SPAG1: variants seen among roughly 807,000 people sequenced by gnomAD.
SPAG1 encodes the protein sperm associated antigen 1, also known as sperm-associated antigen 1.
In SPAG1, 69 loss-of-function variants were observed where a neutral mutation model predicts 100.5. The observed-to-expected ratio is 0.69, with a 90% CI of 0.57 to 0.84. The LOEUF is 0.84. Among genes scored for constraint, SPAG1 ranks in the 40% least tolerant of loss-of-function variants. The pLI, the probability that SPAG1 is intolerant of heterozygous loss-of-function variation, is 0.00. For synonymous variants in SPAG1, 336 were observed against 411.6 expected (o/e 0.82, Z 2.22); for missense variants, 955 against 1,133.1 (o/e 0.84, Z 2.26).
chr8:100,185,606 T>A (rs1435833820), intron 7 of SPAG1, among the ~76,000 whole-genome samples: 1 of 152,238 alleles, frequency 6.6e-6, no homozygotes, highest in Non-Finnish European at 1.5e-5. Flanking sequence ...TAAATATGTA[T>A]ATGAACTTCT....
chr8:100,172,971 T>A (rs542527961), intron 3 of SPAG1, among the ~76,000 whole-genome samples: 1 of 151,696 alleles, frequency 6.6e-6, no homozygotes, highest in East Asian at 1.9e-4. Flanking sequence ...GCAGACAGCT[T>A]GATTTTAGTT....
At chr8:100,206,730 C>T (rs2132330084) in intron 10 of SPAG1, among the ~76,000 whole-genome samples, 1 of 152,292 alleles carries the variant, frequency 6.6e-6, no homozygotes, top group South Asian at 2.1e-4. Flanking sequence ...AAGAAAGAGA[C>T]ACAATGCCTG....
rs757378623 is a variant in SPAG1 at position 100,162,458 on chromosome 8, A to C, written c.140+38A>C. 4.1e-6 allele frequency: 6 copies of C among 1,477,944 alleles called. No homozygotes were observed. In the South Asian group the frequency reaches 6.5e-5, roughly 16 times the overall value. The allele number at this position is 1,477,944 out of a possible 1,614,324, so 91.6% of individuals were successfully genotyped here. ...AAATCATTACATGTTTTAGTATGAC[A>C]GTTTTAATTATCTTGTTGTTACCTT... On this transcript the variant is annotated intron_variant, in intron 2 of 18. Coordinates refer to ENST00000388798, the MANE Select transcript of SPAG1 (RefSeq NM_003114.5).
At chr8:100,224,408 G>A (rs1818415089) in intron 13 of SPAG1, among the ~76,000 whole-genome samples, 1 of 152,166 alleles carries the variant, frequency 6.6e-6, no homozygotes, top group East Asian at 1.9e-4. Flanking sequence ...TGGGCGTGGT[G>A]GCGCGTGCCT....
At chr8:100,204,067 G>C (rs528359011) in intron 10 of SPAG1, among the ~76,000 whole-genome samples, 5 of 152,296 alleles carry the variant, frequency 3.3e-5, no homozygotes, top group African/African-American at 1.2e-4. Context: ...CCCATACCCA[G>C]TAGTGGCAAC....
rs747506730 is a variant in SPAG1, at chr8:100,168,687, C to CTTTTTTTTTTTTT, written c.300+2725_300+2726insTTTTTTTTTTTTT. 7.4e-3 allele frequency among the ~76,000 whole-genome samples: 704 copies of CTTTTTTTTTTTTT among 95,408 alleles called. 53 individuals are homozygous for CTTTTTTTTTTTTT. The highest frequency in any genetic ancestry group is 0.012 in the East Asian group (37 of 3,156). 62.6% of individuals were successfully genotyped at this position (95,408 alleles called of 152,430 possible). On this transcript the variant is annotated intron_variant, in intron 3 of 18. Coordinates refer to ENST00000388798, the MANE Select transcript of SPAG1 (RefSeq NM_003114.5). ...AGCATGAGCCACCATGCCCAGCCAT[C>CTTTTTTTTTTTTT]TTTTTTTTTTTGTTGTTGAGACAGA...
intron 10 of SPAG1, among the ~76,000 whole-genome samples, chr8:100,207,900 A>G (rs1236261096): frequency 6.6e-6 from 1 of 152,172 alleles, no homozygotes; most frequent in East Asian, 1.9e-4. Flanking sequence ...TTACAAAATC[A>G]ACTAGGTGAC....
At chr8:100,178,849 C>T (rs1157237588) in intron 4 of SPAG1, among the ~76,000 whole-genome samples, 1 of 152,098 alleles carries the variant, frequency 6.6e-6, no homozygotes, top group Non-Finnish European at 1.5e-5. Context: ...GTAATCCCAG[C>T]ACTTTGGGAG....
intron 10 of SPAG1, among the ~76,000 whole-genome samples, chr8:100,203,924 A>G (rs1378177326): frequency 2.6e-5 from 4 of 152,224 alleles, no homozygotes; most frequent in Non-Finnish European, 5.9e-5. Flanking sequence ...TACCGTTAAA[A>G]TAAGGGCATT....
rs755897469 is a variant in SPAG1 at position 100,240,461 on chromosome 8, T to G, written c.2339T>G (p.Leu780Arg). Residue 780 changes from leucine (L) to arginine (R), a missense_variant, in exon 18 of 19, where the codon CTT (leucine) becomes CGT (arginine). Coordinates refer to ENST00000388798, the MANE Select transcript of SPAG1 (RefSeq NM_003114.5). ...GCAGGGGAGGTCTCCATGGGATGCCTTGCTTCTGAGAAGGGAGGCAAAAGC... is the reference window on the plus strand; with the variant it reads ...GCAGGGGAGGTCTCCATGGGATGCCGTGCTTCTGAGAAGGGAGGCAAAAGC... ...RPAGEVSMGC[L>R]ASEKGGKSSR... is the part of the protein sequence containing the mutation. The G allele has an allele frequency of 1.2e-6, 2 of 1,613,976 alleles. No homozygotes were observed. Among genetic ancestry groups the G allele is most frequent in the Non-Finnish European group, 1.7e-6 (2 of 1,179,942 alleles).
At chr8:100,181,199 CTTTT>C (rs1816352168) in intron 4 of SPAG1, among the ~76,000 whole-genome samples, 1 of 152,152 alleles carries the variant, frequency 6.6e-6, no homozygotes, top group African/African-American at 2.4e-5. Context: ...GCTCCACATT[CTTTT>C]TTTATTTATT....
chr8:100,182,045 G>C (rs1003301283), intron 4 of SPAG1, among the ~76,000 whole-genome samples: 6 of 152,244 alleles, frequency 3.9e-5, no homozygotes, highest in African/African-American at 1.4e-4. Flanking sequence ...AGCCTAATGA[G>C]AATGAAGATA....
At position 100,184,319 on chromosome 8, in the gene SPAG1, C is replaced by A. The variant is rs1019210267; in HGVS notation, c.595+257C>A. Among the ~76,000 whole-genome samples, 6 of 152,012 alleles carry A rather than the reference C, an allele frequency of 3.9e-5. No individual in the cohort carries two copies. In the East Asian group the frequency reaches 1.2e-3, roughly 29 times the overall value. ...TTGTTTTTAATTCCTTTTTTCCAATCCTCTTTTTCCTCCAAATTCCTAAAA... is the reference window on the plus strand; with the variant it reads ...TTGTTTTTAATTCCTTTTTTCCAATACTCTTTTTCCTCCAAATTCCTAAAA... On this transcript the variant is annotated intron_variant, in intron 6 of 18. Transcript: ENST00000388798.
At chr8:100,220,845 G>A (rs1279783828) in intron 13 of SPAG1, among the ~76,000 whole-genome samples, 8 of 152,138 alleles carry the variant, frequency 5.3e-5, no homozygotes, top group African/African-American at 1.9e-4. Flanking sequence ...GGCCAAGGCG[G>A]GTGGATCACT....
chr8:100,188,897 T>C (rs988790670), intron 8 of SPAG1, among the ~76,000 whole-genome samples: 1 of 152,198 alleles, frequency 6.6e-6, no homozygotes, highest in African/African-American at 2.4e-5. Context: ...GCCTGTGTTT[T>C]ACGCAAGCTG....
chr8:100,226,737 A>G (rs1424682538), intron 14 of SPAG1, among the ~76,000 whole-genome samples: 2 of 152,178 alleles, frequency 1.3e-5, no homozygotes, highest in Admixed American at 6.5e-5. Context: ...GTAGCTCTAC[A>G]GTAGACCCTG....
At position 100,236,497 on chromosome 8, in the gene SPAG1, C is replaced by T. The variant is rs1039663888; in HGVS notation, c.2116-2743C>T. Among the ~76,000 whole-genome samples, 124 of 152,290 alleles carry T rather than the reference C, an allele frequency of 8.1e-4. 1 individual carries two copies. Among genetic ancestry groups the T allele is most frequent in the Middle Eastern group, 3.4e-3 (1 of 294 alleles). ...TGCTTATAGAATGTGTCAGAACTCACGCCCAGGCCTGTTTGCCCAGGGTGA... is the reference window on the plus strand; with the variant it reads ...TGCTTATAGAATGTGTCAGAACTCATGCCCAGGCCTGTTTGCCCAGGGTGA... On this transcript the variant is annotated intron_variant, in intron 16 of 18. Transcript: ENST00000388798.
intron 2 of SPAG1, chr8:100,165,269 T>C (rs1815498254): frequency 1.9e-6 from 1 of 525,580 alleles, no homozygotes; most frequent in Non-Finnish European, 3.9e-6. Flanking sequence ...TTCTGAACCA[T>C]GTTTTAGAAA....
At position 100,165,878 on chromosome 8, in the gene SPAG1, G is replaced by A. The variant is rs149271265; in HGVS notation, c.205G>A (p.Ala69Thr). Reference sequence around the variant, plus strand: ...TTGTGAAAAGCATCTTCAAGCCTTGGCCCCTGAAAGCAGAGCTTTGAGGAA... The same window carrying A: ...TTGTGAAAAGCATCTTCAAGCCTTGACCCCTGAAAGCAGAGCTTTGAGGAA... ...EFCEKHLQAL[A>T]PESRALRKDK... The change falls in exon 3 of 19, where the codon GCC becomes ACC. Residue 69 changes from alanine to threonine, a missense_variant. Physicochemically the swap from Ala to Thr is moderately conservative, Grantham distance 58 (BLOSUM62 0). Coordinates refer to ENST00000388798, the MANE Select transcript of SPAG1 (RefSeq NM_003114.5). 7.3e-5 allele frequency: 118 copies of A among 1,613,908 alleles called. No individual in the cohort carries two copies. The African/African-American group carries it at 1.4e-3, about 19-fold the overall frequency.
Sources: gnomAD v4.1 joint callset for allele counts (sites outside exome capture counted in the v4.1 genomes callset) on GRCh38, gnomAD v4.1.1 for gene constraint, MANE v1.5 for transcripts, NCBI Gene and HGNC (gene_info 2026-07-23, HGNC 2026-07-21) for gene names.